The following CHSY1 variants were observed in gnomAD, a reference collection of about 807,000 sequenced individuals.
The protein encoded by CHSY1 is chondroitin sulfate synthase 1, also known as N-acetylgalactosaminyl-proteoglycan 3-beta-glucuronosyltransferase 1.
In CHSY1, 13 loss-of-function variants were observed where a neutral mutation model predicts 59.8. The observed-to-expected ratio is 0.22, with a 90% CI of 0.14 to 0.35. The LOEUF is 0.35. Among genes scored for constraint, CHSY1 ranks in the 10% least tolerant of loss-of-function variants. The probability of loss-of-function intolerance (pLI) is 1.00; values close to 1 mark genes in which losing one functional copy is unlikely to be tolerated. For missense variants in CHSY1, 947 were observed against 1,030.6 expected (o/e 0.92, Z 1.11); for synonymous variants, 459 against 401.2 (o/e 1.14, Z -1.72).
intron 1 of CHSY1, among the ~76,000 whole-genome samples, chr15:101,244,587 C>G (rs1169895632): frequency 6.6e-6 from 1 of 152,154 alleles, no homozygotes; most frequent in African/African-American, 2.4e-5. Context: ...TAGAAAAGAG[C>G]TAAGAAGAAT....
chr15:101,218,963 T>C (rs1225712206), intron 2 of CHSY1, among the ~76,000 whole-genome samples: 2 of 152,186 alleles, frequency 1.3e-5, no homozygotes, highest in Non-Finnish European at 2.9e-5. Flanking sequence ...TGCAGTATCA[T>C]ACAGAAAAAG....
In CHSY1 at chr15:101,251,152, G is replaced by A. The variant is rs778855089; in HGVS notation, c.305C>T (p.Ala102Val). 12 of 1,591,144 alleles carry A rather than the reference G, an allele frequency of 7.5e-6. No individual in the cohort carries two copies. Among genetic ancestry groups the A allele is most frequent in the African/African-American group, 2.7e-5 (2 of 74,400 alleles). The change falls in exon 1 of 3, where the codon GCC (alanine) becomes GTC (valine). Residue 102 changes from alanine to valine, a missense_variant. Physicochemically the swap from Ala to Val is moderately conservative, Grantham distance 64. Around this residue, in one of 4 missense-constraint regions of CHSY1, gnomAD observed 232 missense variants for 188.5 expected, o/e 1.23. Transcript: ENST00000254190. ...MTAQKYLQTR[A>V]VAAYRTWSKT... The stretch of plus-strand genomic sequence containing the variant: ...AGGGGCTCACCTGTAGGCGGCCACG[G>A]CCCGAGTCTGCAGGTATTTCTGGGC...
At position 101,180,596 on chromosome 15, in the gene CHSY1, T is replaced by C. The variant is rs144922535; in HGVS notation, c.817-1616A>G. Among the ~76,000 whole-genome samples, 175 of 152,314 alleles carry C rather than the reference T, an allele frequency of 1.1e-3. 1 individual carries two copies. The highest frequency in any genetic ancestry group is 3.9e-3 in the African/African-American group (162 of 41,574). On this transcript the variant is annotated intron_variant, in intron 2 of 2. Transcript: ENST00000254190. ...TTTACATGCCCCTTCTGCTACCTAC[T>C]ATCAACTTTACTATCAACTACAGGA... is the stretch of plus-strand genomic sequence containing the variant.
chr15:101,228,834 AT>A (rs1352723911), intron 2 of CHSY1, among the ~76,000 whole-genome samples: 1 of 152,240 alleles, frequency 6.6e-6, no homozygotes, highest in East Asian at 1.9e-4. Context: ...GTATAAATGT[AT>A]TTTTTATTTG....
intron 2 of CHSY1, among the ~76,000 whole-genome samples, chr15:101,219,800 C>T (rs1007554411): frequency 1.3e-5 from 2 of 152,198 alleles, no homozygotes; most frequent in African/African-American, 4.8e-5. Context: ...GAGTTTCGCT[C>T]GTTTTGCCCA....
chr15:101,211,311 G>A (rs1223876997), intron 2 of CHSY1, among the ~76,000 whole-genome samples: 3 of 152,326 alleles, frequency 2.0e-5, no homozygotes, highest in Non-Finnish European at 4.4e-5. Context: ...GCGAAAGAGC[G>A]AGACTTAGTC....
intron 2 of CHSY1, among the ~76,000 whole-genome samples, chr15:101,209,864 A>G (rs937451752): frequency 1.8e-4 from 27 of 152,338 alleles, no homozygotes; most frequent in South Asian, 1.7e-3. Flanking sequence ...CATGTGACTG[A>G]TCTGTACTGA....
At chr15:101,222,046 T>C (rs2038794263) in intron 2 of CHSY1, among the ~76,000 whole-genome samples, 1 of 152,188 alleles carries the variant, frequency 6.6e-6, no homozygotes, top group Non-Finnish European at 1.5e-5. Flanking sequence ...ATGGTACCAT[T>C]ACAAATTTTT....
chr15:101,238,453 C>T (rs2038969076), intron 1 of CHSY1, among the ~76,000 whole-genome samples: 1 of 152,184 alleles, frequency 6.6e-6, no homozygotes, highest in African/African-American at 2.4e-5. Flanking sequence ...CGACTTTCTG[C>T]CAACACGCCT....
intron 1 of CHSY1, chr15:101,242,465 T>A (rs973067127): frequency 2.6e-4 from 40 of 152,264 alleles, no homozygotes; most frequent in African/African-American, 9.4e-4. Flanking sequence ...CGAGACTGTG[T>A]CCTACTGTTC....
At chr15:101,198,949 T>C (rs183169952) in intron 2 of CHSY1, among the ~76,000 whole-genome samples, 1 of 152,340 alleles carries the variant, frequency 6.6e-6, no homozygotes, top group East Asian at 1.9e-4. Flanking sequence ...TTCACCTTTA[T>C]GCTGGAGCCC....
At chr15:101,240,220 T>A (rs1246527155) in intron 1 of CHSY1, among the ~76,000 whole-genome samples, 2 of 152,206 alleles carry the variant, frequency 1.3e-5, no homozygotes, top group African/African-American at 4.8e-5. Flanking sequence ...GTCCTTTAAC[T>A]TGAAGAGCTC....
chr15:101,241,238 C>T (rs964495525), intron 1 of CHSY1, among the ~76,000 whole-genome samples: 6 of 152,166 alleles, frequency 3.9e-5, no homozygotes, highest in African/African-American at 1.2e-4. Flanking sequence ...TTACAGGCAC[C>T]TGCCACCACG....
At chr15:101,213,840 T>C (rs2038705313) in intron 2 of CHSY1, among the ~76,000 whole-genome samples, 1 of 152,252 alleles carries the variant, frequency 6.6e-6, no homozygotes, top group Admixed American at 6.5e-5. Context: ...TGTAATTTCC[T>C]AGACTCGGTG....
At chr15:101,244,599 T>A (rs2039033273) in intron 1 of CHSY1, among the ~76,000 whole-genome samples, 1 of 152,244 alleles carries the variant, frequency 6.6e-6, no homozygotes, top group African/African-American at 2.4e-5. Flanking sequence ...AAGAAGAATA[T>A]AAAAGATCAC....
rs886042658 is a variant in CHSY1, at chr15:101,251,128, G to A, written c.320+9C>T. 7 of 1,571,924 alleles carry A rather than the reference G, an allele frequency of 4.5e-6. No individual in the cohort carries two copies. The highest frequency in any genetic ancestry group is 3.6e-5 in the Admixed American group (2 of 56,312). ...CGCAGGAGGCGGTGCCCGGGGAGCA[G>A]GGGCTCACCTGTAGGCGGCCACGGC... On this transcript the variant is annotated intron_variant, in intron 1 of 2. Coordinates refer to ENST00000254190, the MANE Select transcript of CHSY1 (RefSeq NM_014918.5).
At position 101,245,343 on chromosome 15, in the gene CHSY1, C is replaced by T. The variant is rs370431380; in HGVS notation, c.320+5794G>A. On this transcript the variant is annotated intron_variant, in intron 1 of 2. Coordinates refer to ENST00000254190, the MANE Select transcript of CHSY1 (RefSeq NM_014918.5). ...TGTCTCTGCCTCAAAAACACCTCTT[C>T]ATCTTCCAAGACTCAGCTAGTGGGT... Among the ~76,000 whole-genome samples, 7 of 151,736 alleles carry T rather than the reference C, an allele frequency of 4.6e-5. No individual in the cohort carries two copies. The East Asian group carries it at 1.3e-3, about 29-fold the overall frequency.
At chr15:101,204,877 C>A (rs1159150582) in intron 2 of CHSY1, among the ~76,000 whole-genome samples, 1 of 152,176 alleles carries the variant, frequency 6.6e-6, no homozygotes, top group Non-Finnish European at 1.5e-5. Context: ...AGCATTCCAG[C>A]CTGGGCACTA....
At chr15:101,188,685 AAAATAATTTTGAG>A (rs2038403714) in intron 2 of CHSY1, among the ~76,000 whole-genome samples, 1 of 152,238 alleles carries the variant, frequency 6.6e-6, no homozygotes, top group Non-Finnish European at 1.5e-5. Flanking sequence ...GACTCATTTC[AAAATAATTTTGAG>A]AATTAAGCTT....
Sources: allele counts gnomAD v4.1 joint callset (sites outside exome capture counted in the v4.1 genomes callset), GRCh38; gene constraint gnomAD v4.1.1; regional missense constraint gnomAD v4.1.1; transcripts MANE v1.5; gene names NCBI Gene and HGNC (gene_info 2026-07-23, HGNC 2026-07-21).